The following CACNA1E variants were observed in gnomAD, a reference collection of about 807,000 sequenced individuals.
The protein encoded by CACNA1E is voltage-dependent R-type calcium channel subunit alpha-1E.
Under a neutral mutation model 259.2 loss-of-function variants are expected in CACNA1E, and 40 were observed. That is an observed-to-expected ratio of 0.15 (90% CI 0.12 to 0.20). CACNA1E has a LOEUF of 0.20. CACNA1E is among the 10% of genes least tolerant of loss of function. The pLI, the probability that CACNA1E is intolerant of heterozygous loss-of-function variation, is 1.00. For missense variants in CACNA1E, 1,874 were observed against 3,040.1 expected, an observed-to-expected ratio of 0.62 and a Z score of 9.02; for synonymous variants, 1,104 against 1,138.5, an observed-to-expected ratio of 0.97 and a Z score of 0.61.
chr1:181,545,100 CAA>C (rs372014673), intron 3 of CACNA1E, among the ~76,000 whole-genome samples: 1 of 146,560 alleles, frequency 6.8e-6, no homozygotes. Flanking sequence ...ATTTCAGCTC[CAA>C]AAAAAAAAGT....
At chr1:181,774,921 T>C (rs1001080964) in intron 37 of CACNA1E, among the ~76,000 whole-genome samples, 1 of 152,222 alleles carries the variant, frequency 6.6e-6, no homozygotes, top group Non-Finnish European at 1.5e-5. Flanking sequence ...AGTGGGATTT[T>C]ATAGGCTCCT....
intron 1 of CACNA1E, among the ~76,000 whole-genome samples, chr1:181,408,506 T>C (rs1657622370): frequency 6.6e-6 from 1 of 152,002 alleles, no homozygotes; most frequent in African/African-American, 2.4e-5. Flanking sequence ...TCTGGAAGGG[T>C]GACAGGGAAG....
At chr1:181,652,956 A>C (rs910517726) in intron 7 of CACNA1E, among the ~76,000 whole-genome samples, 1 of 152,026 alleles carries the variant, frequency 6.6e-6, no homozygotes, top group Non-Finnish European at 1.5e-5. Context: ...TCTTAAAAAC[A>C]TAGCAGTCTG....
intron 7 of CACNA1E, among the ~76,000 whole-genome samples, chr1:181,703,126 A>T (rs941371650): frequency 2.6e-5 from 4 of 152,284 alleles, no homozygotes; most frequent in African/African-American, 7.2e-5. Context: ...TCATATTCTA[A>T]AACAGTACCT....
At chr1:181,648,061 C>T (rs1658444647) in intron 6 of CACNA1E, among the ~76,000 whole-genome samples, 1 of 152,188 alleles carries the variant, frequency 6.6e-6, no homozygotes, top group African/African-American at 2.4e-5. Context: ...CCTTCTAGTT[C>T]CCATCCTCCT....
intron 27 of CACNA1E, among the ~76,000 whole-genome samples, chr1:181,752,871 C>T (rs572255604): frequency 6.6e-6 from 1 of 152,340 alleles, no homozygotes; most frequent in East Asian, 1.9e-4. Context: ...CTCCTCAACT[C>T]CCCTGGGGTT....
intron 2 of CACNA1E, among the ~76,000 whole-genome samples, chr1:181,418,303 A>G (rs1206120205): frequency 6.6e-6 from 1 of 152,126 alleles, no homozygotes; most frequent in Non-Finnish European, 1.5e-5. Context: ...GGCTTTTACG[A>G]TACCCACTCT....
chr1:181,325,623 C>T (rs1342573659), intron 1 of CACNA1E, among the ~76,000 whole-genome samples: 1 of 150,146 alleles, frequency 6.7e-6, no homozygotes, highest in Admixed American at 6.7e-5. Context: ...CAGCATGTGC[C>T]AGAAACTAGT....
intron 1 of CACNA1E, among the ~76,000 whole-genome samples, chr1:181,387,621 C>G (rs961055138): frequency 6.6e-6 from 1 of 152,198 alleles, no homozygotes; most frequent in African/African-American, 2.4e-5. Flanking sequence ...CTAGTTCTCT[C>G]TAACTGGAAG....
rs555428627 is a variant in CACNA1E at position 181,680,409 on chromosome 1, G to A, written c.1055+28968G>A. Among the ~76,000 whole-genome samples, 8 of 152,312 alleles carry A rather than the reference G, an allele frequency of 5.3e-5. No homozygotes were observed. In the South Asian group the frequency reaches 1.7e-3, roughly 32 times the overall value. ...GATGTGATCTGGGGTGAGAGCACAAGCCAATGATGTGACAACCACATGGGC... is the reference window on the plus strand; with the variant it reads ...GATGTGATCTGGGGTGAGAGCACAAACCAATGATGTGACAACCACATGGGC... On this transcript the variant is annotated intron_variant, in intron 7 of 47. Transcript: ENST00000367573.
chr1:181,783,618 C>T, intron 39 of CACNA1E, 61 bp from the exon 40 acceptor site: 2 of 944,204 alleles, frequency 2.1e-6, no homozygotes, highest in Admixed American at 1.9e-5. Context: ...TCCTTTCTCA[C>T]TGAGATGTCT....
chr1:181,487,888 T>G (rs1663984563), intron 1 of CACNA1E, among the ~76,000 whole-genome samples: 1 of 152,204 alleles, frequency 6.6e-6, no homozygotes, highest in African/African-American at 2.4e-5. Context: ...CTCCATCGCC[T>G]TGGTTGTCTC....
Position 181,733,024 on chromosome 1 carries a change from G to A in CACNA1E, c.2938G>A (p.Asp980Asn). ...AACGATCCAAGAAGAGAGAGCCCAGGATTTAAGGAGGTGAGTGAGTCACAG... is the reference window on the plus strand; with the variant it reads ...AACGATCCAAGAAGAGAGAGCCCAGAATTTAAGGAGGTGAGTGAGTCACAG... Reference protein sequence around the residue: ...EPTIQEERAQDLRRTNSLMVS... With the variant: ...EPTIQEERAQNLRRTNSLMVS... The change falls in exon 20 of 48, where the codon GAT becomes AAT. Residue 980 changes from aspartate (D) to asparagine (N), a missense_variant. Asp to Asn is a conservative substitution (Grantham distance 23). Transcript: ENST00000367573. 1.2e-6 allele frequency: 2 copies of A among 1,600,604 alleles called. No individual in the cohort carries two copies. Among genetic ancestry groups the A allele is most frequent in the Non-Finnish European group, 1.7e-6 (2 of 1,173,034 alleles).
chr1:181,734,828 C>T (rs974131171), intron 21 of CACNA1E, among the ~76,000 whole-genome samples: 28 of 147,976 alleles, frequency 1.9e-4, no homozygotes, highest in Admixed American at 7.4e-4. Context: ...CTATCCTTGC[C>T]CTGACCCCAC....
chr1:181,571,429 G>A (rs999799239), intron 3 of CACNA1E, among the ~76,000 whole-genome samples: 1 of 152,218 alleles, frequency 6.6e-6, no homozygotes, highest in Non-Finnish European at 1.5e-5. Context: ...CCAGGTAGGA[G>A]AGAGGCTGGA....
intron 1 of CACNA1E, among the ~76,000 whole-genome samples, chr1:181,343,883 G>T: frequency 6.6e-6 from 1 of 151,794 alleles, no homozygotes; most frequent in African/African-American, 2.4e-5. Context: ...CCTGTGCCTG[G>T]GTGGTCTGCC....
intron 1 of CACNA1E, among the ~76,000 whole-genome samples, chr1:181,491,539 C>G (rs997478167): frequency 2.0e-5 from 3 of 152,216 alleles, no homozygotes; most frequent in African/African-American, 7.2e-5. Flanking sequence ...GCCAGTCTTA[C>G]AAATTGCTGA....
At chr1:181,668,525 G>T (rs969049271) in intron 7 of CACNA1E, among the ~76,000 whole-genome samples, 1 of 152,098 alleles carries the variant, frequency 6.6e-6, no homozygotes, top group Non-Finnish European at 1.5e-5. Flanking sequence ...TGCAGTCGCT[G>T]GGCCATATGG....
chr1:181,576,662 C>T (rs1444299207), intron 3 of CACNA1E, among the ~76,000 whole-genome samples: 2 of 152,180 alleles, frequency 1.3e-5, no homozygotes, highest in Non-Finnish European at 2.9e-5. Context: ...GCCTCATTTC[C>T]TGATGGTTCT....
Sources: allele counts gnomAD v4.1 joint callset (sites outside exome capture counted in the v4.1 genomes callset), GRCh38; gene constraint gnomAD v4.1.1; transcripts MANE v1.5; gene names NCBI Gene and HGNC (gene_info 2026-07-23, HGNC 2026-07-21).